The following ITGA1 variants were observed in gnomAD, a reference collection of about 807,000 sequenced individuals.
ITGA1 encodes the protein integrin subunit alpha 1.
Under a neutral mutation model 145.9 loss-of-function variants are expected in ITGA1, and 85 were observed. That is an observed-to-expected ratio of 0.58 (90% CI 0.49 to 0.70). ITGA1 has a LOEUF of 0.70. ITGA1 is among the 30% of genes least tolerant of loss of function. The pLI, the probability that ITGA1 is intolerant of heterozygous loss-of-function variation, is 0.00. For synonymous variants in ITGA1, 520 were observed against 495.3 expected, an observed-to-expected ratio of 1.05 and a Z score of -0.66; for missense variants, 1,351 against 1,418.7, an observed-to-expected ratio of 0.95 and a Z score of 0.77.
intron 2 of ITGA1, among the ~76,000 whole-genome samples, chr5:52,857,894 C>T (rs1266815487): frequency 6.6e-6 from 1 of 152,116 alleles, no homozygotes; most frequent in East Asian, 1.9e-4. Flanking sequence ...GCCTTTCTTC[C>T]TTCCCACTCT....
chr5:52,810,710 A>G (rs552959460), intron 1 of ITGA1, among the ~76,000 whole-genome samples: 4 of 152,312 alleles, frequency 2.6e-5, no homozygotes, highest in African/African-American at 9.6e-5. Flanking sequence ...GTCTGTTATC[A>G]CCACAGTAAA....
At chr5:52,889,066 T>G (rs1181525287) in intron 8 of ITGA1, among the ~76,000 whole-genome samples, 1 of 151,942 alleles carries the variant, frequency 6.6e-6, no homozygotes, top group Non-Finnish European at 1.5e-5. Context: ...TAACATTGAG[T>G]GTACATTATA....
intron 1 of ITGA1, chr5:52,800,157 C>T: frequency 3.6e-6 from 2 of 554,740 alleles, no homozygotes; most frequent in Non-Finnish European, 6.5e-6. Flanking sequence ...ATTTTCGCTG[C>T]AGTGTTCCCC....
At chr5:52,808,547 G>T in intron 1 of ITGA1, among the ~76,000 whole-genome samples, 1 of 152,082 alleles carries the variant, frequency 6.6e-6, no homozygotes, top group East Asian at 1.9e-4. Context: ...TTGCTCTGTG[G>T]ATAGAAAACA....
chr5:52,822,524 T>C (rs1245024009), intron 1 of ITGA1, among the ~76,000 whole-genome samples: 2 of 152,190 alleles, frequency 1.3e-5, no homozygotes, highest in African/African-American at 4.8e-5. Flanking sequence ...AGCTGGAGGC[T>C]GAGTATCCGG....
At chr5:52,850,650 A>G (rs982075538) in intron 2 of ITGA1, among the ~76,000 whole-genome samples, 14 of 152,354 alleles carry the variant, frequency 9.2e-5, no homozygotes, top group African/African-American at 3.1e-4. Flanking sequence ...GACTATAAAA[A>G]GTAATGAGTT....
In ITGA1 at chr5:52,861,392, C is replaced by T; in HGVS notation, c.183-55C>T. The T allele has an allele frequency of 3.0e-6, 3 of 1,013,786 alleles. No homozygotes were observed. In the South Asian group the frequency reaches 4.0e-5, roughly 14 times the overall value. The allele number at this position is 1,013,786 out of a possible 1,614,324, so 62.8% of individuals were successfully genotyped here. A position where few individuals can be genotyped will look rare whatever the true frequency, so the allele number is the denominator to read the frequency against. On this transcript the variant is annotated intron_variant, in intron 2 of 28. Transcript: ENST00000282588. ...TCTTAAAATCAGTCATAAAACAACTCATATAAACTGTTTCTCAATGTTCAA... is the reference window on the plus strand; with the variant it reads ...TCTTAAAATCAGTCATAAAACAACTTATATAAACTGTTTCTCAATGTTCAA...
chr5:52,856,556 C>A (rs556366230), intron 2 of ITGA1, among the ~76,000 whole-genome samples: 2 of 152,136 alleles, frequency 1.3e-5, no homozygotes, highest in Admixed American at 1.3e-4. Context: ...AGCTGCCTGA[C>A]AGACCTACGT....
Position 52,954,274 on chromosome 5 carries a change from C to T in ITGA1, c.*1823C>T, listed in dbSNP as rs975313283. 6.6e-6 allele frequency: 1 copy of T among 152,100 alleles called. No individual in the cohort carries two copies. Among genetic ancestry groups the T allele is most frequent in the Non-Finnish European group, 1.5e-5 (1 of 68,032 alleles). 9.4% of individuals were successfully genotyped at this position (152,100 alleles called of 1,614,324 possible). ...TATTCAGAGTTACCATGTTGCACAC[C>T]CCCAGTGCTCAGCCTGCCCAGAAGC... On this transcript the variant is annotated 3_prime_UTR_variant, in exon 29 of 29. Transcript: ENST00000282588.
chr5:52,915,327 C>T, intron 14 of ITGA1, 137 bp from the exon 15 acceptor site: 14 of 831,120 alleles, frequency 1.7e-5, no homozygotes, highest in Middle Eastern at 3.4e-4. Flanking sequence ...CTTATCTCCA[C>T]ATGAGGGACC....
At chr5:52,863,753 G>A (rs915927166) in intron 3 of ITGA1, among the ~76,000 whole-genome samples, 1 of 152,106 alleles carries the variant, frequency 6.6e-6, no homozygotes, top group Non-Finnish European at 1.5e-5. Context: ...AGTACAGTAG[G>A]GAAGTTTCCA....
chr5:52,844,562 A>G (rs1376763314), intron 1 of ITGA1, among the ~76,000 whole-genome samples: 1 of 152,168 alleles, frequency 6.6e-6, no homozygotes, highest in East Asian at 1.9e-4. Context: ...CAGAATGATG[A>G]TAGTAATGGT....
intron 22 of ITGA1, chr5:52,932,806 T>A (rs943873056): frequency 6.6e-6 from 1 of 152,176 alleles, no homozygotes; most frequent in Admixed American, 6.5e-5. Flanking sequence ...TAATAGTGGC[T>A]AACATTTATT....
intron 1 of ITGA1, chr5:52,800,187 C>T: frequency 3.4e-6 from 2 of 590,420 alleles, no homozygotes; most frequent in Non-Finnish European, 6.0e-6. Flanking sequence ...AGACGCAGCG[C>T]GCCGGGAGAC....
At chr5:52,905,200 T>C (rs1462743841) in intron 11 of ITGA1, 1 of 152,202 alleles carries the variant, frequency 6.6e-6, no homozygotes, top group African/African-American at 2.4e-5. Flanking sequence ...CAAGGTGTCT[T>C]TGAAATCTGA....
intron 1 of ITGA1, among the ~76,000 whole-genome samples, chr5:52,791,197 G>A (rs1748231330): frequency 6.6e-6 from 1 of 152,164 alleles, no homozygotes; most frequent in South Asian, 2.1e-4. Context: ...CACATATAAA[G>A]GATTTAACTG....
rs139937434 is a variant in ITGA1 at position 52,899,643 on chromosome 5, C to T, written c.1309+1260C>T. ...AATATTACACAGAAAAGTCAGCTCC[C>T]GAAGCAATTCCCTGCTACAAGTCTC... On this transcript the variant is annotated intron_variant, in intron 11 of 28. Transcript: ENST00000282588. Among the ~76,000 whole-genome samples the T allele has an allele frequency of 8.4e-3, 1,283 of 152,168 alleles. 10 individuals carry two copies. The highest frequency in any genetic ancestry group is 0.013 in the Non-Finnish European group (898 of 67,992).
At position 52,865,584 on chromosome 5, in the gene ITGA1, A is replaced by G. The variant is rs144600536; in HGVS notation, c.497-106A>G. 240 of 875,624 alleles carry G rather than the reference A, an allele frequency of 2.7e-4. No homozygotes were observed. The African/African-American group carries it at 3.9e-3, about 14-fold the overall frequency. 54.2% of individuals were successfully genotyped at this position (875,624 alleles called of 1,614,324 possible). A position where few individuals can be genotyped will look rare whatever the true frequency, so the allele number is the denominator to read the frequency against. On this transcript the variant is annotated intron_variant, in intron 5 of 28. Transcript: ENST00000282588. ...TAAAACAATGTGTCTACTTTGGAGA[A>G]CATCAGTTCATCTTTTAAAATGAAC... is the stretch of plus-strand genomic sequence containing the variant.
At chr5:52,848,236 G>A (rs1301074795) in intron 1 of ITGA1, among the ~76,000 whole-genome samples, 28 of 152,330 alleles carry the variant, frequency 1.8e-4, no homozygotes, top group Non-Finnish European at 5.9e-5. Context: ...CCATCTCTGA[G>A]TGGAGACCAT....
Sources: allele counts gnomAD v4.1 joint callset (sites outside exome capture counted in the v4.1 genomes callset), GRCh38; gene constraint gnomAD v4.1.1; transcripts MANE v1.5; gene names NCBI Gene and HGNC (gene_info 2026-07-23, HGNC 2026-07-21).